Variants in GABRB3 observed in about 807,000 individuals in gnomAD.
GABRB3 encodes the protein gamma-aminobutyric acid receptor subunit beta-3.
A neutral mutation model predicts 52.1 loss-of-function variants in GABRB3; 14 were observed. The ratio of observed to expected loss-of-function variants is 0.27; its 90% CI spans 0.18 to 0.42. GABRB3 has a LOEUF of 0.42. Ranked by LOEUF, GABRB3 falls within the 10% of genes least tolerant of loss-of-function variation. The pLI is 1.00. For synonymous variants in GABRB3, 260 were observed against 232.3 expected (o/e 1.12, Z -1.08); for missense variants, 307 against 609.1 (o/e 0.50, Z 5.22).
chr15:26,626,352 T>C (rs998407219), intron 3 of GABRB3, among the ~76,000 whole-genome samples: 7 of 152,146 alleles, frequency 4.6e-5, no homozygotes, highest in South Asian at 2.1e-4. Flanking sequence ...TTAGGCCAGT[T>C]AGTAGCCCTC....
intron 4 of GABRB3, chr15:26,613,597 A>T (rs1224925357): frequency 6.6e-6 from 1 of 152,082 alleles, no homozygotes; most frequent in African/African-American, 2.4e-5. Flanking sequence ...CTCATGCCAT[A>T]CTTTTTTTTT....
intron 4 of GABRB3, among the ~76,000 whole-genome samples, chr15:26,591,045 G>C (rs566685988): frequency 6.6e-6 from 1 of 152,154 alleles, no homozygotes; most frequent in African/African-American, 2.4e-5. Context: ...CAGAGAGCAG[G>C]ACTGAGGTGA....
chr15:26,772,986 G>C lies in GABRB3; in HGVS notation c.-24C>G. ...ATCCCTCCGCCGCGCCCCGGCACGG[G>C]GGAGGGGGCGCCCCGCCGCCGTCGC... On this transcript the variant is annotated 5_prime_UTR_variant, in exon 1 of 9. Coordinates refer to ENST00000311550, the MANE Select transcript of GABRB3 (RefSeq NM_000814.6). 1 of 1,365,144 alleles carries C rather than the reference G, an allele frequency of 7.3e-7. No individual in the cohort carries two copies. The highest frequency in any genetic ancestry group is 9.5e-7 in the Non-Finnish European group (1 of 1,049,272). The allele number at this position is 1,365,144 out of a possible 1,614,324, so 84.6% of individuals were successfully genotyped here.
chr15:26,664,397 T>C lies in GABRB3; in HGVS notation c.241-42863A>G, dbSNP rs536291511. Among the ~76,000 whole-genome samples, 6 of 152,168 alleles carry C rather than the reference T, an allele frequency of 3.9e-5. No individual in the cohort carries two copies. The East Asian group carries it at 1.2e-3, about 29-fold the overall frequency. The stretch of plus-strand genomic sequence containing the variant: ...TCATTTACTCATACCATGTTCAGGG[T>C]GTTTTAGTTGTGGACAGGGCATGGG... On this transcript the variant is annotated intron_variant, in intron 3 of 8. Coordinates refer to ENST00000311550, the MANE Select transcript of GABRB3 (RefSeq NM_000814.6).
chr15:26,609,977 T>C (rs1892007588), intron 4 of GABRB3, among the ~76,000 whole-genome samples: 1 of 152,152 alleles, frequency 6.6e-6, no homozygotes, highest in African/African-American at 2.4e-5. Flanking sequence ...ACTTGAGTTC[T>C]TTTCTCTGGA....
intron 4 of GABRB3, chr15:26,614,640 T>A (rs1301498439): frequency 6.6e-6 from 1 of 152,184 alleles, no homozygotes; most frequent in Non-Finnish European, 1.5e-5. Context: ...CGAGACCTAA[T>A]ACCTCTGTGA....
At chr15:26,764,766 C>T (rs1362014307) in intron 3 of GABRB3, among the ~76,000 whole-genome samples, 1 of 152,116 alleles carries the variant, frequency 6.6e-6, no homozygotes, top group East Asian at 1.9e-4. Context: ...AAATGAAAAC[C>T]ACCTCTGCTC....
At chr15:26,744,182 G>A (rs561193164) in intron 3 of GABRB3, among the ~76,000 whole-genome samples, 1 of 152,228 alleles carries the variant, frequency 6.6e-6, no homozygotes, top group African/African-American at 2.4e-5. Context: ...TCTTATCCAT[G>A]CAATTGGGCA....
intron 4 of GABRB3, among the ~76,000 whole-genome samples, chr15:26,620,686 C>A (rs142429205): frequency 9.2e-5 from 14 of 152,270 alleles, no homozygotes; most frequent in African/African-American, 3.1e-4. Context: ...TAATTGACCA[C>A]CAGCTGGGAT....
chr15:26,603,228 C>A (rs1405521869), intron 4 of GABRB3, among the ~76,000 whole-genome samples: 1 of 151,952 alleles, frequency 6.6e-6, no homozygotes, highest in Admixed American at 6.6e-5. Context: ...CAAAACCTAA[C>A]AGATGAATAA....
At chr15:26,688,299 C>G (rs915291140) in intron 3 of GABRB3, among the ~76,000 whole-genome samples, 2 of 152,158 alleles carry the variant, frequency 1.3e-5, no homozygotes, top group African/African-American at 4.8e-5. Flanking sequence ...GCCGTGTGCC[C>G]TGGAATTACC....
chr15:26,751,614 G>C (rs1394156578), intron 3 of GABRB3, among the ~76,000 whole-genome samples: 2 of 151,864 alleles, frequency 1.3e-5, no homozygotes, highest in Non-Finnish European at 2.9e-5. Context: ...AAAATCAATA[G>C]TATGTCTAAC....
chr15:26,670,404 C>T (rs780333723), intron 3 of GABRB3, among the ~76,000 whole-genome samples: 5 of 152,162 alleles, frequency 3.3e-5, no homozygotes, highest in Non-Finnish European at 5.9e-5. Context: ...GGTCTGACGA[C>T]AGCAGGGTCG....
chr15:26,772,766 G>A lies in GABRB3; in HGVS notation c.87C>T (p.Asn29=), dbSNP rs772263479. ...TCACAAAGGACATGTTCCCGGGATC[G>A]TTCACACTGGGGGAGGGACGGGGAG... is the stretch of plus-strand genomic sequence containing the variant. ...VAVVCCAQSV[N]DPGNMSFVKE... The change falls in exon 2 of 9, where the codon AAC becomes AAT. Residue 29 remains asparagine, a synonymous_variant. Coordinates refer to ENST00000311550, the MANE Select transcript of GABRB3 (RefSeq NM_000814.6). The A allele has an allele frequency of 5.8e-6, 9 of 1,554,742 alleles. No homozygotes were observed. The Admixed American group carries it at 1.5e-4, about 25-fold the overall frequency.
chr15:26,742,461 T>C (rs936186351), intron 3 of GABRB3, among the ~76,000 whole-genome samples: 3 of 152,136 alleles, frequency 2.0e-5, no homozygotes, highest in Admixed American at 2.0e-4. Context: ...TTATGTTTTC[T>C]CCCAAGTCCT....
intron 3 of GABRB3, among the ~76,000 whole-genome samples, chr15:26,709,249 T>G (rs1889206108): frequency 6.6e-6 from 1 of 152,162 alleles, no homozygotes; most frequent in South Asian, 2.1e-4. Flanking sequence ...GTCATGCGGG[T>G]GGAGACCTCA....
Position 26,621,244 on chromosome 15 carries a change from A to G in GABRB3, c.461+70T>C. 8.6e-7 allele frequency: 1 copy of G among 1,163,380 alleles called. No homozygotes were observed. Among genetic ancestry groups the G allele is most frequent in the South Asian group, 1.2e-5 (1 of 81,954 alleles). The allele number at this position is 1,163,380 out of a possible 1,614,324, so 72.1% of individuals were successfully genotyped here. On this transcript the variant is annotated intron_variant, in intron 4 of 8. Coordinates refer to ENST00000311550, the MANE Select transcript of GABRB3 (RefSeq NM_000814.6). This position sits in a 1 kb window ranked among gnomAD's most constrained non-coding sequence, Gnocchi z 4.1. ...GGTCATTGCCTCACTTACAATAATC[A>G]TCTCAAGTGAGATATTCAACACCCA... is the stretch of plus-strand genomic sequence containing the variant.
Position 26,605,099 on chromosome 15 carries a change from T to A in GABRB3, c.461+16215A>T, listed in dbSNP as rs138563098. Among the ~76,000 whole-genome samples, 296 of 152,090 alleles carry A rather than the reference T, an allele frequency of 1.9e-3. 6 individuals are homozygous for A. The East Asian group carries it at 0.036, about 19-fold the overall frequency. ...AAAGTGTCATTAATTAAAACATGAC[T>A]AAGAGTTGAATAGACATTTCTCAAA... On this transcript the variant is annotated intron_variant, in intron 4 of 8. Transcript: ENST00000311550.
chr15:26,736,723 G>T (rs557253629), intron 3 of GABRB3, among the ~76,000 whole-genome samples: 1 of 152,362 alleles, frequency 6.6e-6, no homozygotes, highest in South Asian at 2.1e-4. Flanking sequence ...TCGCTAGAAT[G>T]TGTTCCATTT....
Sources: gnomAD v4.1 joint callset for allele counts (sites outside exome capture counted in the v4.1 genomes callset) on GRCh38, gnomAD v4.1.1 for gene constraint, Gnocchi (gnomAD v3.1) non-coding constraint, MANE v1.5 for transcripts, NCBI Gene and HGNC (gene_info 2026-07-23, HGNC 2026-07-21) for gene names.